The following MAP3K20 variants were observed in gnomAD, a reference collection of about 807,000 sequenced individuals.
MAP3K20 encodes the protein HCCS-4.
A neutral mutation model predicts 85.7 loss-of-function variants in MAP3K20; 40 were observed. The observed-to-expected ratio is 0.47, with a 90% CI of 0.36 to 0.61. The LOEUF is 0.61. Ranked by LOEUF, MAP3K20 falls within the 20% of genes least tolerant of loss-of-function variation. MAP3K20 has a pLI of 0.00. For synonymous variants in MAP3K20, 325 were observed against 327.7 expected (o/e 0.99, Z 0.09); for missense variants, 817 against 961.7 (o/e 0.85, Z 1.99).
Position 173,209,731 on chromosome 2 carries a change from A to G in MAP3K20, c.747A>G (p.Lys249=). ...LHQCWEADAK[K]RPSFKQIISI... is the part of the protein sequence containing the mutation. ...ATTACTTATTTTCTCTTCTTCAGAAACGGCCATCATTCAAGCAAATCATTT... is the reference window on the plus strand; with the variant it reads ...ATTACTTATTTTCTCTTCTTCAGAAGCGGCCATCATTCAAGCAAATCATTT... Residue 249 remains lysine, a splice_region_variant and synonymous_variant, in exon 10 of 20, where the codon AAA becomes AAG. Coordinates refer to ENST00000375213, the MANE Select transcript of MAP3K20 (RefSeq NM_016653.3). 1 of 1,603,608 alleles carries G rather than the reference A, an allele frequency of 6.2e-7. No individual in the cohort carries two copies. Among genetic ancestry groups the G allele is most frequent in the Non-Finnish European group, 8.5e-7 (1 of 1,175,784 alleles).
rs1246578465 is a variant in MAP3K20 at position 173,190,908 on chromosome 2, T to C, written c.429T>C (p.Ala143=). 1 of 1,598,262 alleles carries C rather than the reference T, an allele frequency of 6.3e-7. No individual in the cohort carries two copies. The highest frequency in any genetic ancestry group is 1.7e-5 in the Admixed American group (1 of 59,206). ...TTCTTTTTTTAGTTGTTATAGCTGC[T>C]GATGGAGTATTGAAGGTAGGACTAT... ...DLKSRNVVIA[A]DGVLKICDFG... The change falls in exon 6 of 20, where the codon GCT becomes GCC. Residue 143 remains alanine, a synonymous_variant. Coordinates refer to ENST00000375213, the MANE Select transcript of MAP3K20 (RefSeq NM_016653.3).
At chr2:173,155,593 C>G (rs1302504973) in intron 2 of MAP3K20, among the ~76,000 whole-genome samples, 1 of 152,176 alleles carries the variant, frequency 6.6e-6, no homozygotes, top group Non-Finnish European at 1.5e-5. Context: ...CAGATCATAA[C>G]TACACCATGT....
chr2:173,087,073 A>G (rs958191355), intron 1 of MAP3K20, among the ~76,000 whole-genome samples: 2 of 152,196 alleles, frequency 1.3e-5, no homozygotes, highest in African/African-American at 4.8e-5. Flanking sequence ...GAAGCTATTT[A>G]CTCACTTATT....
intron 2 of MAP3K20, among the ~76,000 whole-genome samples, chr2:173,166,236 C>T (rs1306618935): frequency 1.3e-5 from 2 of 152,306 alleles, no homozygotes; most frequent in Admixed American, 1.3e-4. Flanking sequence ...ATTTTCAAGG[C>T]CCATTCATGA....
chr2:173,189,886 C>T (rs1037442617), intron 5 of MAP3K20, among the ~76,000 whole-genome samples: 1 of 152,128 alleles, frequency 6.6e-6, no homozygotes, highest in Non-Finnish European at 1.5e-5. Context: ...TGTCCTTTGC[C>T]ACTGCCTTAG....
At chr2:173,161,328 G>A (rs1300671073) in intron 2 of MAP3K20, among the ~76,000 whole-genome samples, 1 of 152,146 alleles carries the variant, frequency 6.6e-6, no homozygotes, top group Admixed American at 6.5e-5. Context: ...TTGATTGACT[G>A]TTACTCTTAT....
intron 11 of MAP3K20, chr2:173,225,553 C>T: frequency 1.0e-6 from 1 of 958,796 alleles, no homozygotes; most frequent in Non-Finnish European, 1.2e-6. Context: ...GAGATTGCAC[C>T]ACTACACTCC....
chr2:173,093,148 G>A (rs142713118), intron 2 of MAP3K20, among the ~76,000 whole-genome samples: 5 of 152,266 alleles, frequency 3.3e-5, no homozygotes, highest in African/African-American at 4.8e-5. Flanking sequence ...ACAGTTACTA[G>A]CAAGGAAATA....
chr2:173,119,331 G>C (rs1214016850), intron 2 of MAP3K20, among the ~76,000 whole-genome samples: 2 of 152,228 alleles, frequency 1.3e-5, no homozygotes, highest in Admixed American at 6.5e-5. Flanking sequence ...CACCTGCTGG[G>C]GTGCTGGGAG....
At chr2:173,139,040 C>T (rs113108156) in intron 2 of MAP3K20, among the ~76,000 whole-genome samples, 11 of 152,280 alleles carry the variant, frequency 7.2e-5, no homozygotes, top group African/African-American at 1.9e-4. Flanking sequence ...CTTTTGTTAA[C>T]GTTTGAACTT....
intron 2 of MAP3K20, among the ~76,000 whole-genome samples, chr2:173,151,326 A>G (rs182406573): frequency 1.3e-5 from 2 of 152,284 alleles, no homozygotes; most frequent in East Asian, 3.9e-4. Context: ...GCCCCACCCT[A>G]TACCAGTTAA....
At chr2:173,261,862 C>T (rs561712714) in intron 18 of MAP3K20, among the ~76,000 whole-genome samples, 4 of 151,926 alleles carry the variant, frequency 2.6e-5, no homozygotes, top group Admixed American at 6.6e-5. Flanking sequence ...ACAAAAAATA[C>T]AAAAAGTAGC....
intron 1 of MAP3K20, among the ~76,000 whole-genome samples, chr2:173,089,118 G>A (rs1044651920): frequency 3.3e-5 from 5 of 152,044 alleles, no homozygotes; most frequent in African/African-American, 1.2e-4. Flanking sequence ...CAGAGCCCCA[G>A]GCTTTTTATG....
Position 173,203,798 on chromosome 2 carries a change from A to G in MAP3K20, c.672A>G (p.Arg224=). The G allele has an allele frequency of 1.9e-6, 3 of 1,613,150 alleles. No homozygotes were observed. The highest frequency in any genetic ancestry group is 1.7e-6 in the Non-Finnish European group (2 of 1,179,312). Reference sequence around the variant, plus strand: ...TTGTTTCCCTCTGTCTATTGTAGAGATTAACCATTCCAAGCAGTTGCCCCA... The same window carrying G: ...TTGTTTCCCTCTGTCTATTGTAGAGGTTAACCATTCCAAGCAGTTGCCCCA... ...VAWLVVEKNE[R]LTIPSSCPRS... Residue 224 remains arginine (R), a splice_region_variant and synonymous_variant, in exon 9 of 20, where the codon AGA becomes AGG. Coordinates refer to ENST00000375213, the MANE Select transcript of MAP3K20 (RefSeq NM_016653.3).
At chr2:173,261,924 G>A (rs938495840) in intron 18 of MAP3K20, among the ~76,000 whole-genome samples, 5 of 151,884 alleles carry the variant, frequency 3.3e-5, no homozygotes, top group Non-Finnish European at 5.9e-5. Flanking sequence ...GGTTGAAGTC[G>A]GGGGATTGCT....
chr2:173,169,116 A>ATT (rs1402588608), intron 2 of MAP3K20, among the ~76,000 whole-genome samples: 1 of 152,170 alleles, frequency 6.6e-6, no homozygotes, highest in African/African-American at 2.4e-5. Context: ...CCCACTTATT[A>ATT]TTGACTCATC....
At chr2:173,207,680 T>G (rs1020726720) in intron 9 of MAP3K20, 2 of 151,610 alleles carry the variant, frequency 1.3e-5, no homozygotes, top group African/African-American at 4.8e-5. Context: ...AGATAACAAA[T>G]AGAGAAATAA....
rs765308770 is a variant in MAP3K20 at position 173,203,781 on chromosome 2, CTCTG to C, written c.670-11_670-8del. On this transcript the variant is annotated splice_polypyrimidine_tract_variant and intron_variant, in intron 8 of 19. Coordinates refer to ENST00000375213, the MANE Select transcript of MAP3K20 (RefSeq NM_016653.3). ...CCCTGTTTTATTTTGTTTTGTTTCC[CTCTG>C]TCTATTGTAGAGATTAACCATTCCA... The C allele has an allele frequency of 6.3e-7, 1 of 1,598,678 alleles. No individual in the cohort carries two copies. Among genetic ancestry groups the C allele is most frequent in the East Asian group, 2.2e-5 (1 of 44,762 alleles).
rs139114429 is a variant in MAP3K20, at chr2:173,175,895, C to A, written c.247+6003C>A. ...CTGTCTTGTCTTGGTGATTAAGATG[C>A]AATTCTTTTTAAAACCAAATGGCAC... On this transcript the variant is annotated intron_variant, in intron 3 of 19. Transcript: ENST00000375213. Among the ~76,000 whole-genome samples the A allele has an allele frequency of 3.6e-3, 546 of 152,154 alleles. 5 individuals carry two copies. The highest frequency in any genetic ancestry group is 0.012 in the African/African-American group (497 of 41,530).
Sources: gnomAD v4.1 joint callset for allele counts (sites outside exome capture counted in the v4.1 genomes callset) on GRCh38, gnomAD v4.1.1 for gene constraint, MANE v1.5 for transcripts, NCBI Gene and HGNC (gene_info 2026-07-23, HGNC 2026-07-21) for gene names.